NRXN1: variants seen among roughly 807,000 people sequenced by gnomAD.
NRXN1 encodes the protein neurexin-1.
In NRXN1, 39 loss-of-function variants were observed where a neutral mutation model predicts 150.9. That is an observed-to-expected ratio of 0.26 (90% CI 0.20 to 0.34). NRXN1 has a LOEUF of 0.34. NRXN1 is among the 10% of genes least tolerant of loss of function. The pLI, the probability that NRXN1 is intolerant of heterozygous loss-of-function variation, is 1.00. For missense variants in NRXN1, 1,815 were observed against 1,949.9 expected (o/e 0.93, Z 1.30); for synonymous variants, 924 against 757.0 (o/e 1.22, Z -3.62).
chr2:50,932,317 C>A (rs1313707129), intron 2 of NRXN1, among the ~76,000 whole-genome samples: 2 of 151,920 alleles, frequency 1.3e-5, no homozygotes, highest in Non-Finnish European at 2.9e-5. Context: ...TTCCTTCCTG[C>A]TCACTTTTGG....
chr2:51,016,581 G>A (rs534396345), intron 2 of NRXN1, among the ~76,000 whole-genome samples: 12 of 152,036 alleles, frequency 7.9e-5, no homozygotes, highest in Non-Finnish European at 1.3e-4. Context: ...TTAGAATGAC[G>A]ATCATTAAAA....
chr2:50,630,089 G>T (rs1681990934), intron 5 of NRXN1, among the ~76,000 whole-genome samples: 1 of 151,564 alleles, frequency 6.6e-6, no homozygotes, highest in African/African-American at 2.4e-5. Context: ...AGTCTGCCAT[G>T]GGATTTCAGT....
chr2:50,691,635 A>G (rs1692091201), intron 5 of NRXN1, among the ~76,000 whole-genome samples: 1 of 152,216 alleles, frequency 6.6e-6, no homozygotes, highest in Non-Finnish European at 1.5e-5. Flanking sequence ...ACAATGCTGC[A>G]TTATATAGAA....
chr2:50,290,318 A>G lies in NRXN1; in HGVS notation c.3365-53348T>C, dbSNP rs567023206. ...GCTCTTTTTCACCAGCTGCTAAACAAAAGCAATTTATTCAATTGGGTTTGC... is the reference window on the plus strand; with the variant it reads ...GCTCTTTTTCACCAGCTGCTAAACAGAAGCAATTTATTCAATTGGGTTTGC... On this transcript the variant is annotated intron_variant, in intron 17 of 22. Transcript: ENST00000401669. Among the ~76,000 whole-genome samples the G allele has an allele frequency of 2.3e-4, 35 of 152,314 alleles. 2 individuals are homozygous for G. In the South Asian group the frequency reaches 7.0e-3, roughly 31 times the overall value.
At chr2:50,309,119 C>T (rs1469442101) in intron 17 of NRXN1, among the ~76,000 whole-genome samples, 2 of 152,142 alleles carry the variant, frequency 1.3e-5, no homozygotes, top group Non-Finnish European at 2.9e-5. Context: ...ATCCAAGGTT[C>T]TTTCCCATTT....
chr2:50,693,593 A>G (rs1310880150), intron 5 of NRXN1, among the ~76,000 whole-genome samples: 1 of 152,196 alleles, frequency 6.6e-6, no homozygotes, highest in East Asian at 1.9e-4. Context: ...CGTTGAATCA[A>G]TGAACTCTGA....
At chr2:50,113,730 C>T (rs1013864578) in intron 18 of NRXN1, among the ~76,000 whole-genome samples, 15 of 152,180 alleles carry the variant, frequency 9.9e-5, no homozygotes, top group African/African-American at 3.6e-4. Flanking sequence ...GTATAATCCA[C>T]CTTAAAAGGC....
chr2:50,349,060 A>G (rs2078238219), intron 17 of NRXN1, among the ~76,000 whole-genome samples: 1 of 152,170 alleles, frequency 6.6e-6, no homozygotes, highest in South Asian at 2.1e-4. Context: ...AGATTCAACC[A>G]TGGGACTCTG....
chr2:50,504,963 A>G (rs188850416), intron 13 of NRXN1, among the ~76,000 whole-genome samples: 1 of 152,316 alleles, frequency 6.6e-6, no homozygotes, highest in African/African-American at 2.4e-5. Flanking sequence ...CAATTGCTTT[A>G]AACAATACCC....
At position 50,936,244 on chromosome 2, in the gene NRXN1, C is replaced by T. The variant is rs534269863; in HGVS notation, c.773-10289G>A. On this transcript the variant is annotated intron_variant, in intron 2 of 22. Transcript: ENST00000401669. ...GCTAACCGGCCGACTGGTCATCTGA[C>T]ATTTTAGCCCAACCCTGGTATTAGA... is the stretch of plus-strand genomic sequence containing the variant. Among the ~76,000 whole-genome samples the T allele has an allele frequency of 5.0e-4, 76 of 152,272 alleles. No individual in the cohort carries two copies. In the South Asian group the frequency reaches 0.015, roughly 31 times the overall value.
intron 18 of NRXN1, among the ~76,000 whole-genome samples, chr2:50,157,849 G>A (rs756352609): frequency 1.3e-5 from 2 of 151,898 alleles, no homozygotes; most frequent in African/African-American, 4.8e-5. Flanking sequence ...TGCTTGGTAG[G>A]ATGATCTTCT....
intron 18 of NRXN1, among the ~76,000 whole-genome samples, chr2:50,097,806 A>T (rs1176897642): frequency 1.3e-5 from 2 of 152,086 alleles, no homozygotes; most frequent in Non-Finnish European, 2.9e-5. Context: ...CGCCCAGCTA[A>T]TAATGTATTT....
intron 17 of NRXN1, among the ~76,000 whole-genome samples, chr2:50,336,420 C>T (rs775115261): frequency 1.3e-5 from 2 of 152,156 alleles, no homozygotes; most frequent in Non-Finnish European, 1.5e-5. Context: ...TTTTTAAAAT[C>T]TTCAAGGCTT....
rs745980302 is a variant in NRXN1, at chr2:50,091,430, T to C, written c.3611A>G (p.Asn1204Ser). ...GTATTTCCCATCATTAATGATTGCA[T>C]TGGATTCTTCAATGGCGATGTCATC... is the stretch of plus-strand genomic sequence containing the variant. ...GTDDIAIEES[N>S]AIINDGKYHV... The change falls in exon 19 of 23, where the codon AAT becomes AGT. Residue 1204 changes from asparagine (N) to serine (S), a missense_variant. This residue lies in a region of NRXN1 where 339 missense variants were observed against 440.3 expected (regional missense o/e 0.77). Coordinates refer to ENST00000401669, the MANE Select transcript of NRXN1 (RefSeq NM_001330078.2). The C allele has an allele frequency of 7.4e-6, 12 of 1,614,110 alleles. No homozygotes were observed. The highest frequency in any genetic ancestry group is 1.1e-5 in the South Asian group (1 of 91,096).
intron 5 of NRXN1, among the ~76,000 whole-genome samples, chr2:50,909,544 G>C (rs1479236396): frequency 6.6e-6 from 1 of 151,926 alleles, no homozygotes; most frequent in Non-Finnish European, 1.5e-5. Context: ...CTAGTAAATT[G>C]CTATTCACTT....
chr2:50,252,372 C>T (rs575133373), intron 17 of NRXN1, among the ~76,000 whole-genome samples: 2 of 150,146 alleles, frequency 1.3e-5, no homozygotes, highest in South Asian at 2.1e-4. Flanking sequence ...GATTCTCCTG[C>T]CTCAGCCTCC....
At chr2:49,925,295 A>G (rs1260663916) in intron 22 of NRXN1, among the ~76,000 whole-genome samples, 5 of 151,882 alleles carry the variant, frequency 3.3e-5, no homozygotes, top group African/African-American at 9.6e-5. Flanking sequence ...AAAAAAAAAA[A>G]AAAGAAAGAA....
chr2:50,184,657 GA>G (rs2060948134), intron 18 of NRXN1, among the ~76,000 whole-genome samples: 1 of 151,844 alleles, frequency 6.6e-6, no homozygotes, highest in Admixed American at 6.6e-5. Flanking sequence ...CATGACCTTG[GA>G]AACTCTCATT....
intron 5 of NRXN1, among the ~76,000 whole-genome samples, chr2:50,853,269 G>A (rs1390083299): frequency 6.6e-6 from 1 of 152,080 alleles, no homozygotes; most frequent in Non-Finnish European, 1.5e-5. Context: ...TAGGATACCA[G>A]TGAGGATTTT....
Sources: allele counts gnomAD v4.1 joint callset (sites outside exome capture counted in the v4.1 genomes callset), GRCh38; gene constraint gnomAD v4.1.1; regional missense constraint gnomAD v4.1.1; transcripts MANE v1.5; gene names NCBI Gene and HGNC (gene_info 2026-07-23, HGNC 2026-07-21).